The following MYO9A variants were observed in gnomAD, a reference collection of about 807,000 sequenced individuals.
The protein encoded by MYO9A is unconventional myosin-IXa.
In MYO9A, 103 loss-of-function variants were observed where a neutral mutation model predicts 293.3. The observed-to-expected ratio is 0.35, with a 90% CI of 0.30 to 0.41. The LOEUF is 0.41. Among genes scored for constraint, MYO9A ranks in the 10% least tolerant of loss-of-function variants. The probability of loss-of-function intolerance (pLI) is 1.00; values close to 1 mark genes in which losing one functional copy is unlikely to be tolerated. For missense variants in MYO9A, 2,685 were observed against 3,033.0 expected (o/e 0.89, Z 2.69); for synonymous variants, 1,001 against 1,035.7 (o/e 0.97, Z 0.64).
At chr15:72,092,418 A>C (rs2079943290) in intron 1 of MYO9A, among the ~76,000 whole-genome samples, 1 of 152,146 alleles carries the variant, frequency 6.6e-6, no homozygotes, top group Non-Finnish European at 1.5e-5. Context: ...CAGAGGTATA[A>C]ATATTTTAGG....
intron 2 of MYO9A, among the ~76,000 whole-genome samples, chr15:72,033,102 C>T (rs1422221410): frequency 2.0e-5 from 3 of 152,070 alleles, no homozygotes; most frequent in Non-Finnish European, 4.4e-5. Context: ...CTGCCTGCCT[C>T]GGCCTCCCAA....
chr15:71,858,684 A>G (rs376679518), intron 34 of MYO9A: 1 of 121,176 alleles, frequency 8.3e-6, no homozygotes, highest in East Asian at 2.5e-4. Flanking sequence ...GAAGGGGAAC[A>G]TCACACACTG....
At chr15:72,033,934 C>A (rs2077958225) in intron 2 of MYO9A, among the ~76,000 whole-genome samples, 1 of 152,106 alleles carries the variant, frequency 6.6e-6, no homozygotes, top group African/African-American at 2.4e-5. Flanking sequence ...TCTTCTCCTA[C>A]AATAATCTCA....
At chr15:72,017,984 T>C (rs1016783888) in intron 6 of MYO9A, among the ~76,000 whole-genome samples, 2 of 152,050 alleles carry the variant, frequency 1.3e-5, no homozygotes, top group East Asian at 3.8e-4. Context: ...CCCAGCACTT[T>C]GACAGGCCAA....
chr15:72,034,792 T>C (rs2077992088), intron 2 of MYO9A, among the ~76,000 whole-genome samples: 1 of 152,238 alleles, frequency 6.6e-6, no homozygotes, highest in South Asian at 2.1e-4. Flanking sequence ...AATATGGATG[T>C]GTGATGTACT....
In MYO9A at chr15:71,981,301, G is replaced by A. The variant is rs573771593; in HGVS notation, c.1723-3009C>T. 2.0e-5 allele frequency among the ~76,000 whole-genome samples: 3 copies of A among 152,242 alleles called. No individual in the cohort carries two copies. In the East Asian group the frequency reaches 5.8e-4, roughly 29 times the overall value. The stretch of plus-strand genomic sequence containing the variant: ...CATTGTTATCCTGGCCCCCTAAAAT[G>A]TACTGAGAATTGTCCTTTTTTCTAT... On this transcript the variant is annotated intron_variant, in intron 11 of 41. Coordinates refer to ENST00000356056, the MANE Select transcript of MYO9A (RefSeq NM_006901.4).
intron 1 of MYO9A, among the ~76,000 whole-genome samples, chr15:72,047,742 AAAT>A (rs1339076652): frequency 6.6e-6 from 1 of 151,456 alleles, no homozygotes; most frequent in Non-Finnish European, 1.5e-5. Context: ...GCTATTAAAA[AAAT>A]AATAAGAAGA....
intron 19 of MYO9A, among the ~76,000 whole-genome samples, chr15:71,913,044 T>A (rs776925107): frequency 1.3e-5 from 2 of 152,120 alleles, no homozygotes; most frequent in Admixed American, 6.5e-5. Context: ...GAAAATATTT[T>A]GCTCATTATT....
chr15:72,041,045 G>C lies in MYO9A; in HGVS notation c.840+4679C>G, dbSNP rs538968319. Reference sequence around the variant, plus strand: ...GGATCGCTTGAGCCTGGGAGCTCAAGACCAGCCTGGGCAACATGGTAAAAC... The same window carrying C: ...GGATCGCTTGAGCCTGGGAGCTCAACACCAGCCTGGGCAACATGGTAAAAC... On this transcript the variant is annotated intron_variant, in intron 2 of 41. Transcript: ENST00000356056. 1.5e-5 allele frequency: 6 copies of C among 404,380 alleles called. No individual in the cohort carries two copies. In the East Asian group the frequency reaches 3.9e-4, roughly 26 times the overall value. 25.0% of individuals were successfully genotyped at this position (404,380 alleles called of 1,614,324 possible). A position where few individuals can be genotyped will look rare whatever the true frequency, so the allele number is the denominator to read the frequency against.
At position 71,960,001 on chromosome 15, in the gene MYO9A, A is replaced by G; in HGVS notation, c.2082T>C (p.Ile694=). The change falls in exon 14 of 42, where the codon ATT becomes ATC. Residue 694 remains isoleucine (I), a synonymous_variant. Coordinates refer to ENST00000356056, the MANE Select transcript of MYO9A (RefSeq NM_006901.4). ...CCCATCGGAAAACAGCTACAGGATC[A>G]ATTCCAATCATCCCAGAGATAAATG... ...KNAFISGMIG[I]DPVAVFRWAI... The G allele has an allele frequency of 1.2e-6, 2 of 1,614,188 alleles. No homozygotes were observed. Among genetic ancestry groups the G allele is most frequent in the Non-Finnish European group, 1.7e-6 (2 of 1,180,006 alleles).
At chr15:71,880,112 A>T (rs2056828109) in intron 29 of MYO9A, among the ~76,000 whole-genome samples, 1 of 152,248 alleles carries the variant, frequency 6.6e-6, no homozygotes, top group Non-Finnish European at 1.5e-5. Flanking sequence ...GAAATTTGAC[A>T]ATTTTAGGAA....
At position 71,883,936 on chromosome 15, in the gene MYO9A, GGTTTT is replaced by G. The variant is rs10546981; in HGVS notation, c.5256-205_5256-201del. Among the ~76,000 whole-genome samples the G allele has an allele frequency of 0.66, 98,785 of 150,704 alleles. 33,115 individuals carry two copies. The highest frequency in any genetic ancestry group is 0.74 in the Middle Eastern group (216 of 292). ...GGCGAAAAATTATTTAACTTCTCTG[GGTTTT>G]GTTATTTCTATATTCAGATGAGGAA... On this transcript the variant is annotated intron_variant, in intron 27 of 41. Transcript: ENST00000356056.
intron 22 of MYO9A, 64 bp downstream of exon 22, chr15:71,902,876 CA>C: frequency 2.4e-6 from 3 of 1,267,834 alleles, no homozygotes; most frequent in Non-Finnish European, 2.1e-6. Flanking sequence ...ATCTCATAGG[CA>C]AAAATTATTA....
rs745597344 is a variant in MYO9A, at chr15:71,878,055, A to G, written c.5916T>C (p.Asp1972=). Residue 1972 remains aspartate (D), a synonymous_variant, in exon 31 of 42, where the codon GAT becomes GAC. Coordinates refer to ENST00000356056, the MANE Select transcript of MYO9A (RefSeq NM_006901.4). ...TCACATTTACCTTTGTGGCTGTGCA[A>G]TCTGAAGTCTTGAATTCATTCATAT... ...DEYMNEFKTS[D]CTATKVPKTE... 19 of 1,601,388 alleles carry G rather than the reference A, an allele frequency of 1.2e-5. No homozygotes were observed. The highest frequency in any genetic ancestry group is 1.4e-5 in the Non-Finnish European group (17 of 1,175,852).
chr15:71,874,156 C>T, intron 32 of MYO9A, among the ~76,000 whole-genome samples: 1 of 152,128 alleles, frequency 6.6e-6, no homozygotes, highest in South Asian at 2.1e-4. Flanking sequence ...AGTCAGATCG[C>T]ACTTCTAACA....
Position 72,039,591 on chromosome 15 carries a change from G to GCCA in MYO9A, c.840+6132_840+6133insTGG, listed in dbSNP as rs879579060. 1.1e-3 allele frequency among the ~76,000 whole-genome samples: 172 copies of GCCA among 152,070 alleles called. 1 individual carries two copies. Among genetic ancestry groups the GCCA allele is most frequent in the Non-Finnish European group, 2.3e-3 (155 of 67,964 alleles). On this transcript the variant is annotated intron_variant, in intron 2 of 41. Transcript: ENST00000356056. ...CATGCCTGTAATCCTAGCACTTTAAGAGGCTGAGGTGGGTGGATCATCTGA... is the reference window on the plus strand; with the variant it reads ...CATGCCTGTAATCCTAGCACTTTAAGCCAAGGCTGAGGTGGGTGGATCATCTGA...
At chr15:71,848,184 C>T (rs1567193087) in intron 39 of MYO9A, among the ~76,000 whole-genome samples, 2 of 151,072 alleles carry the variant, frequency 1.3e-5, no homozygotes, top group Admixed American at 6.6e-5. Flanking sequence ...TGGATAACTC[C>T]AGTTCTCAAT....
At chr15:71,913,022 T>C (rs955640621) in intron 19 of MYO9A, among the ~76,000 whole-genome samples, 1 of 152,052 alleles carries the variant, frequency 6.6e-6, no homozygotes, top group African/African-American at 2.4e-5. Context: ...TTTTTTTTTT[T>C]CCATCAAATC....
chr15:72,083,490 G>GT (rs955545110), intron 1 of MYO9A, among the ~76,000 whole-genome samples: 36 of 152,110 alleles, frequency 2.4e-4, no homozygotes, highest in African/African-American at 8.7e-4. Flanking sequence ...ATGGTTTTTC[G>GT]TGTCTCAATC....
Sources: gnomAD v4.1 joint callset for allele counts (sites outside exome capture counted in the v4.1 genomes callset) on GRCh38, gnomAD v4.1.1 for gene constraint, MANE v1.5 for transcripts, NCBI Gene and HGNC (gene_info 2026-07-23, HGNC 2026-07-21) for gene names.